ADK: variants seen among roughly 807,000 people sequenced by gnomAD.
ADK encodes adenosine kinase, also known as N6,N6-dimethyladenosine kinase.
A neutral mutation model predicts 44.7 loss-of-function variants in ADK; 24 were observed. That is an observed-to-expected ratio of 0.54 (90% CI 0.39 to 0.76). The LOEUF (loss-of-function observed/expected upper bound fraction) is 0.76, where lower values mean the gene tolerates loss of function less well. Ranked by LOEUF, ADK falls within the 30% of genes least tolerant of loss-of-function variation. ADK has a pLI of 0.00. For synonymous variants in ADK, 128 were observed against 142.6 expected (o/e 0.90, Z 0.73); for missense variants, 321 against 425.1 (o/e 0.76, Z 2.15).
At chr10:74,507,858 A>G (rs1165603366) in intron 6 of ADK, among the ~76,000 whole-genome samples, 1 of 152,164 alleles carries the variant, frequency 6.6e-6, no homozygotes, top group African/African-American at 2.4e-5. Flanking sequence ...AATATCACAT[A>G]TTATGGGCAT....
At chr10:74,643,243 T>C (rs1853935724) in intron 9 of ADK, among the ~76,000 whole-genome samples, 1 of 152,128 alleles carries the variant, frequency 6.6e-6, no homozygotes, top group Non-Finnish European at 1.5e-5. Context: ...ACCTGAGAGG[T>C]CCATTTAATT....
chr10:74,571,247 C>A (rs1249898584), intron 7 of ADK, among the ~76,000 whole-genome samples: 1 of 152,154 alleles, frequency 6.6e-6, no homozygotes, highest in Non-Finnish European at 1.5e-5. Context: ...GTCTAAAATT[C>A]TCTTTTTTTG....
At chr10:74,689,369 G>A (rs538828780) in intron 10 of ADK, among the ~76,000 whole-genome samples, 34 of 152,254 alleles carry the variant, frequency 2.2e-4, no homozygotes, top group African/African-American at 8.2e-4. Flanking sequence ...TTATAGTACA[G>A]ATACAAAAAA....
intron 2 of ADK, among the ~76,000 whole-genome samples, chr10:74,217,471 C>T (rs1844098027): frequency 6.6e-6 from 1 of 152,224 alleles, no homozygotes; most frequent in Non-Finnish European, 1.5e-5. Flanking sequence ...ACAGCAGTAA[C>T]CTCTGCAGAC....
intron 1 of ADK, among the ~76,000 whole-genome samples, chr10:74,171,193 A>G (rs1420388462): frequency 6.6e-6 from 1 of 152,180 alleles, no homozygotes; most frequent in Non-Finnish European, 1.5e-5. Context: ...AATTTTTGCT[A>G]TTGTTAATAA....
intron 4 of ADK, among the ~76,000 whole-genome samples, chr10:74,350,503 A>G (rs1841928473): frequency 6.6e-6 from 1 of 152,212 alleles, no homozygotes; most frequent in Non-Finnish European, 1.5e-5. Context: ...CAATTAAAAG[A>G]ACTAGAGAAG....
Position 74,388,150 on chromosome 10 carries a change from G to T in ADK, c.274-5991G>T, listed in dbSNP as rs370913546. 6.0e-4 allele frequency among the ~76,000 whole-genome samples: 92 copies of T among 152,224 alleles called. No individual in the cohort carries two copies. In the South Asian group the frequency reaches 9.7e-3, roughly 16 times the overall value. On this transcript the variant is annotated intron_variant, in intron 4 of 10. Coordinates refer to ENST00000539909, the MANE Select transcript of ADK (RefSeq NM_006721.4). ...TTGAACTCCCAACCTCAGGTGATCT[G>T]CCTGCCTCGGCTTCCCAAAGTGTCG...
In ADK at chr10:74,204,409, A is replaced by G. The variant is rs546661048; in HGVS notation, c.140+3571A>G. On this transcript the variant is annotated intron_variant, in intron 2 of 10. Coordinates refer to ENST00000539909, the MANE Select transcript of ADK (RefSeq NM_006721.4). ...TTGTTCATTGATAGTATGTAGAAAT[A>G]TAAGTAATTATGGGGGACAATAATT... Among the ~76,000 whole-genome samples, 25 of 152,328 alleles carry G rather than the reference A, an allele frequency of 1.6e-4. No homozygotes were observed. The South Asian group carries it at 5.0e-3, about 30-fold the overall frequency.
At chr10:74,186,229 TCCTTTCCCTTCC>T (rs1842761439) in intron 1 of ADK, among the ~76,000 whole-genome samples, 1 of 46,816 alleles carries the variant, frequency 2.1e-5, no homozygotes, top group Non-Finnish European at 6.9e-5. Flanking sequence ...TCCCTTCCCC[TCCTTTCCCTTCC>T]CCTTCCGCCT....
chr10:74,685,664 TTTATGA>T (rs1326134894), intron 10 of ADK, among the ~76,000 whole-genome samples: 1 of 152,240 alleles, frequency 6.6e-6, no homozygotes, highest in Non-Finnish European at 1.5e-5. Flanking sequence ...AGGATATGGA[TTTATGA>T]TTATATCATT....
chr10:74,667,444 G>GTATATA (rs760131833), intron 9 of ADK, among the ~76,000 whole-genome samples: 1 of 147,140 alleles, frequency 6.8e-6, no homozygotes, highest in African/African-American at 2.5e-5. Flanking sequence ...GTGTGTGTGT[G>GTATATA]TATATATATA....
chr10:74,472,412 GT>G (rs1369984452), intron 6 of ADK, among the ~76,000 whole-genome samples: 2 of 151,950 alleles, frequency 1.3e-5, no homozygotes, highest in Non-Finnish European at 2.9e-5. Context: ...CAATAGAGAT[GT>G]CATCTAGTTG....
chr10:74,682,214 C>G (rs1341598764), intron 10 of ADK, among the ~76,000 whole-genome samples: 1 of 152,192 alleles, frequency 6.6e-6, no homozygotes, highest in East Asian at 1.9e-4. Flanking sequence ...AGCTTTCTTC[C>G]GAAATTAAGA....
At chr10:74,515,026 AT>A (rs1848508198) in intron 6 of ADK, among the ~76,000 whole-genome samples, 1 of 151,942 alleles carries the variant, frequency 6.6e-6, no homozygotes. Flanking sequence ...GGGTTTCACC[AT>A]GTTGCCCAGG....
chr10:74,313,510 T>A (rs1231416168), intron 3 of ADK, among the ~76,000 whole-genome samples: 2 of 152,126 alleles, frequency 1.3e-5, no homozygotes, highest in East Asian at 3.8e-4. Context: ...TAGCATCCGG[T>A]ATTCTTTGAG....
At chr10:74,185,067 C>A (rs1842697041) in intron 1 of ADK, among the ~76,000 whole-genome samples, 1 of 152,166 alleles carries the variant, frequency 6.6e-6, no homozygotes, top group Non-Finnish European at 1.5e-5. Flanking sequence ...CGATACCTAT[C>A]CTACATGGGT....
chr10:74,183,587 C>G (rs147206150), intron 1 of ADK, among the ~76,000 whole-genome samples: 3 of 151,800 alleles, frequency 2.0e-5, no homozygotes, highest in Admixed American at 6.6e-5. Flanking sequence ...CTTGGCTCAC[C>G]GCAACCTCCA....
In ADK at chr10:74,177,945, ATT is replaced by A. The variant is rs1158811749; in HGVS notation, c.66-22807_66-22806del. Among the ~76,000 whole-genome samples, 60 of 108,972 alleles carry A rather than the reference ATT, an allele frequency of 5.5e-4. 1 individual carries two copies. The highest frequency in any genetic ancestry group is 7.4e-4 in the African/African-American group (21 of 28,516). The allele number at this position is 108,972 out of a possible 152,430, so 71.5% of individuals were successfully genotyped here. Reference sequence around the variant, plus strand: ...TAATTATATATATATATATATATATATTTTTTTTTTTTTGAGACAGAGTTTCG... The same window carrying A: ...TAATTATATATATATATATATATATATTTTTTTTTTTGAGACAGAGTTTCG... On this transcript the variant is annotated intron_variant, in intron 1 of 10. Coordinates refer to ENST00000539909, the MANE Select transcript of ADK (RefSeq NM_006721.4).
intron 7 of ADK, among the ~76,000 whole-genome samples, chr10:74,586,223 G>C (rs903210126): frequency 6.6e-6 from 1 of 152,160 alleles, no homozygotes; most frequent in Non-Finnish European, 1.5e-5. Flanking sequence ...CTTCTCTAAT[G>C]GAGTGACTTG....
Sources: allele counts gnomAD v4.1 joint callset (sites outside exome capture counted in the v4.1 genomes callset), GRCh38; gene constraint gnomAD v4.1.1; transcripts MANE v1.5; gene names NCBI Gene and HGNC (gene_info 2026-07-23, HGNC 2026-07-21).